KCND2: variants seen among roughly 807,000 people sequenced by gnomAD.
KCND2 encodes the protein A-type voltage-gated potassium channel KCND2.
In KCND2, 16 loss-of-function variants were observed where a neutral mutation model predicts 54.4. The observed-to-expected ratio is 0.29, with a 90% CI of 0.20 to 0.45. The LOEUF is 0.45. Ranked by LOEUF, KCND2 falls within the 20% of genes least tolerant of loss-of-function variation. The pLI is 1.00. For missense variants in KCND2, 486 were observed against 824.2 expected, an observed-to-expected ratio of 0.59 and a Z score of 5.02; for synonymous variants, 317 against 310.7, an observed-to-expected ratio of 1.02 and a Z score of -0.21.
intron 1 of KCND2, among the ~76,000 whole-genome samples, chr7:120,416,035 T>C (rs1478981907): frequency 2.6e-5 from 4 of 152,166 alleles, no homozygotes; most frequent in Non-Finnish European, 5.9e-5. Context: ...TTTCTCCACA[T>C]TTCTACCATT....
At chr7:120,658,838 A>G (rs1791833986) in intron 1 of KCND2, among the ~76,000 whole-genome samples, 3 of 152,196 alleles carry the variant, frequency 2.0e-5, no homozygotes. Context: ...CTTCTTCCAC[A>G]CACCCACATT....
At chr7:120,739,385 T>C (rs1026159462) in intron 2 of KCND2, among the ~76,000 whole-genome samples, 1 of 152,026 alleles carries the variant, frequency 6.6e-6, no homozygotes, top group African/African-American at 2.4e-5. Flanking sequence ...TTCTGAGTTG[T>C]TTCCAAATGT....
chr7:120,511,088 C>A (rs768750186), intron 1 of KCND2, among the ~76,000 whole-genome samples: 7 of 151,312 alleles, frequency 4.6e-5, no homozygotes, highest in Non-Finnish European at 7.4e-5. Flanking sequence ...TCCTTACCAG[C>A]CACCCTAGTC....
At chr7:120,560,475 A>T (rs1417562868) in intron 1 of KCND2, among the ~76,000 whole-genome samples, 1 of 152,222 alleles carries the variant, frequency 6.6e-6, no homozygotes. Flanking sequence ...CTTAAATGAT[A>T]GGGATTCAGT....
chr7:120,511,743 T>G (rs1803118721), intron 1 of KCND2, among the ~76,000 whole-genome samples: 1 of 152,158 alleles, frequency 6.6e-6, no homozygotes, highest in Non-Finnish European at 1.5e-5. Context: ...TAATAGCACC[T>G]ATCCCTATCT....
At chr7:120,709,392 G>A (rs1382505423) in intron 1 of KCND2, among the ~76,000 whole-genome samples, 2 of 152,116 alleles carry the variant, frequency 1.3e-5, no homozygotes, top group Non-Finnish European at 2.9e-5. Flanking sequence ...ACTTGGATAT[G>A]CATATGTATT....
At chr7:120,494,028 A>T (rs1030145420) in intron 1 of KCND2, among the ~76,000 whole-genome samples, 3 of 152,172 alleles carry the variant, frequency 2.0e-5, no homozygotes, top group African/African-American at 7.2e-5. Context: ...GTGTCATTTG[A>T]TAACAAACAG....
At chr7:120,679,735 G>T (rs1325594217) in intron 1 of KCND2, among the ~76,000 whole-genome samples, 1 of 151,934 alleles carries the variant, frequency 6.6e-6, no homozygotes, top group Non-Finnish European at 1.5e-5. Flanking sequence ...CTTTTTAAAA[G>T]CTTCTTTTTT....
At chr7:120,618,926 A>G (rs1288354762) in intron 1 of KCND2, among the ~76,000 whole-genome samples, 2 of 152,128 alleles carry the variant, frequency 1.3e-5, no homozygotes, top group African/African-American at 4.8e-5. Context: ...AATCCACCCC[A>G]GCCTCCTGAG....
At chr7:120,530,241 C>T (rs802373) in intron 1 of KCND2, among the ~76,000 whole-genome samples, 10,089 of 152,084 alleles carry the variant, frequency 0.066, 882 homozygotes, top group East Asian at 0.45. Context: ...CCCCATTCTC[C>T]ATGATGTATT....
intron 1 of KCND2, among the ~76,000 whole-genome samples, chr7:120,614,477 T>C (rs1214597614): frequency 6.6e-6 from 1 of 152,226 alleles, no homozygotes; most frequent in Non-Finnish European, 1.5e-5. Flanking sequence ...CATCTAGTTT[T>C]ATTTGCAATT....
intron 1 of KCND2, among the ~76,000 whole-genome samples, chr7:120,317,771 A>C (rs569803661): frequency 1.8e-4 from 27 of 152,290 alleles, no homozygotes; most frequent in Admixed American, 7.9e-4. Context: ...ATGTGTAATT[A>C]AGTGTACTCA....
intron 2 of KCND2, among the ~76,000 whole-genome samples, chr7:120,733,892 ATATT>A (rs1792839408): frequency 6.6e-6 from 1 of 152,174 alleles, no homozygotes; most frequent in African/African-American, 2.4e-5. Flanking sequence ...CATATTATCA[ATATT>A]TAATGTTTAC....
At position 120,667,212 on chromosome 7, in the gene KCND2, CAT is replaced by C. The variant is rs1462944758; in HGVS notation, c.1116-65689_1116-65688del. On this transcript the variant is annotated intron_variant, in intron 1 of 5. Coordinates refer to ENST00000331113, the MANE Select transcript of KCND2 (RefSeq NM_012281.3). ...TCTTATTTTAAATGTATAATGAAAA[CAT>C]AGTATGGCTGCCGGTTAGAGTGATG... 3.9e-5 allele frequency among the ~76,000 whole-genome samples: 6 copies of C among 151,994 alleles called. No homozygotes were observed. The East Asian group carries it at 1.2e-3, about 29-fold the overall frequency.
intron 1 of KCND2, among the ~76,000 whole-genome samples, chr7:120,545,936 G>A (rs1237333761): frequency 6.6e-6 from 1 of 151,484 alleles, no homozygotes; most frequent in East Asian, 1.9e-4. Flanking sequence ...TGAATTCATG[G>A]GTAGCTTCCT....
chr7:120,611,255 G>T (rs768640122), intron 1 of KCND2, among the ~76,000 whole-genome samples: 10 of 152,136 alleles, frequency 6.6e-5, no homozygotes, highest in Non-Finnish European at 1.5e-4. Context: ...GTGTCTTTTT[G>T]TGCTTTTTAA....
intron 1 of KCND2, among the ~76,000 whole-genome samples, chr7:120,467,417 T>C (rs908918758): frequency 2.0e-5 from 3 of 152,126 alleles, no homozygotes; most frequent in African/African-American, 7.2e-5. Flanking sequence ...TATTTACATT[T>C]TTATCAATTT....
At position 120,452,672 on chromosome 7, in the gene KCND2, CA is replaced by C. The variant is rs1802131871; in HGVS notation, c.1115+176926del. Among the ~76,000 whole-genome samples the C allele has an allele frequency of 3.9e-5, 6 of 152,224 alleles. No homozygotes were observed. In the South Asian group the frequency reaches 1.2e-3, roughly 32 times the overall value. On this transcript the variant is annotated intron_variant, in intron 1 of 5. Transcript: ENST00000331113. ...GGGCAGCAAGAAGCCCTGACGCCCC[CA>C]TGGACTCTTGAGTTGGTGATGAGAG...
chr7:120,669,103 A>G (rs539931815), intron 1 of KCND2, among the ~76,000 whole-genome samples: 1 of 152,224 alleles, frequency 6.6e-6, no homozygotes, highest in East Asian at 1.9e-4. Flanking sequence ...CTTAGTAGAA[A>G]CAAATAAATA....
Sources: gnomAD v4.1 joint callset for allele counts (sites outside exome capture counted in the v4.1 genomes callset) on GRCh38, gnomAD v4.1.1 for gene constraint, MANE v1.5 for transcripts, NCBI Gene and HGNC (gene_info 2026-07-23, HGNC 2026-07-21) for gene names.